Variants in WDR72 observed in about 807,000 individuals in gnomAD.
WDR72 encodes WD repeat domain 72.
Under a neutral mutation model 124.2 loss-of-function variants are expected in WDR72, and 120 were observed. The ratio of observed to expected loss-of-function variants is 0.97; its 90% CI spans 0.83 to 1.12. The LOEUF is 1.12. Among genes scored for constraint, WDR72 ranks in the 50% most tolerant of loss-of-function variants. The probability of loss-of-function intolerance (pLI) is 0.00; values close to 1 mark genes in which losing one functional copy is unlikely to be tolerated. For synonymous variants in WDR72, 452 were observed against 441.7 expected (o/e 1.02, Z -0.29); for missense variants, 1,387 against 1,278.8 (o/e 1.08, Z -1.29).
At chr15:53,689,053 C>T (rs2016746507) in intron 13 of WDR72, among the ~76,000 whole-genome samples, 1 of 152,166 alleles carries the variant, frequency 6.6e-6, no homozygotes, top group Non-Finnish European at 1.5e-5. Context: ...ACACCTTAAA[C>T]AGAAATCAAT....
intron 14 of WDR72, among the ~76,000 whole-genome samples, chr15:53,625,274 T>C (rs1039453866): frequency 6.6e-6 from 1 of 152,236 alleles, no homozygotes; most frequent in African/African-American, 2.4e-5. Context: ...TTGGTTTACA[T>C]GTTGTTTATA....
chr15:53,608,159 C>G (rs537561791), intron 17 of WDR72, among the ~76,000 whole-genome samples: 1 of 152,198 alleles, frequency 6.6e-6, no homozygotes, highest in African/African-American at 2.4e-5. Context: ...CAGTATAACC[C>G]CAAAGAAAGC....
At position 53,737,614 on chromosome 15, in the gene WDR72, A is replaced by C. The variant is rs149228137; in HGVS notation, c.-12-4453T>G. On this transcript the variant is annotated intron_variant, in intron 1 of 19. Coordinates refer to ENST00000360509, the MANE Select transcript of WDR72 (RefSeq NM_182758.4). ...AAGTCATTCACCAGAAAAGGATAAT[A>C]GTCTCTAGATACTCAACAGCAGAGT... 3.9e-3 allele frequency among the ~76,000 whole-genome samples: 590 copies of C among 152,294 alleles called. 6 individuals carry two copies. The highest frequency in any genetic ancestry group is 0.013 in the African/African-American group (552 of 41,556).
intron 3 of WDR72, 53 bp from the exon 4 acceptor site, chr15:53,716,738 G>T: frequency 7.1e-7 from 1 of 1,405,286 alleles, no homozygotes; most frequent in South Asian, 1.2e-5. Flanking sequence ...CAATTGGCTG[G>T]AATAATTTTT....
intron 17 of WDR72, among the ~76,000 whole-genome samples, chr15:53,604,134 C>T (rs1395025511): frequency 1.3e-5 from 2 of 152,032 alleles, no homozygotes; most frequent in South Asian, 2.1e-4. Flanking sequence ...AGAACAGACA[C>T]ATAGACCAAT....
At chr15:53,551,858 A>G (rs1893742196) in intron 18 of WDR72, among the ~76,000 whole-genome samples, 1 of 150,254 alleles carries the variant, frequency 6.7e-6, no homozygotes, top group South Asian at 2.1e-4. Flanking sequence ...ATACACAGAC[A>G]CACACACACA....
chr15:53,584,748 C>T (rs1193098432), intron 18 of WDR72, among the ~76,000 whole-genome samples: 5 of 151,872 alleles, frequency 3.3e-5, no homozygotes, highest in African/African-American at 4.8e-5. Flanking sequence ...TTGGAGTATC[C>T]CCATTCCCAT....
chr15:53,630,686 A>T (rs2014391491), intron 14 of WDR72, among the ~76,000 whole-genome samples: 1 of 152,194 alleles, frequency 6.6e-6, no homozygotes, highest in Non-Finnish European at 1.5e-5. Flanking sequence ...CACCCAAGAA[A>T]CTAGGAATAG....
chr15:53,727,362 ACT>A (rs1329214395), intron 2 of WDR72, among the ~76,000 whole-genome samples: 3 of 152,104 alleles, frequency 2.0e-5, no homozygotes, highest in African/African-American at 7.2e-5. Flanking sequence ...GTAGATGGTA[ACT>A]CAGCCATATT....
At chr15:53,704,128 G>C (rs2017266901) in intron 11 of WDR72, among the ~76,000 whole-genome samples, 1 of 152,148 alleles carries the variant, frequency 6.6e-6, no homozygotes, top group Non-Finnish European at 1.5e-5. Flanking sequence ...CATCTGTACA[G>C]ATATGCTCAC....
chr15:53,548,132 A>C (rs1893565975), intron 18 of WDR72, among the ~76,000 whole-genome samples: 1 of 152,040 alleles, frequency 6.6e-6, no homozygotes, highest in Non-Finnish European at 1.5e-5. Flanking sequence ...GTGGTCACCA[A>C]CTCTGCTTAC....
At chr15:53,757,154 G>T (rs1310920161) in intron 1 of WDR72, among the ~76,000 whole-genome samples, 1 of 152,066 alleles carries the variant, frequency 6.6e-6, no homozygotes, top group African/African-American at 2.4e-5. Context: ...AGCTGACCTG[G>T]GCCTAGACCT....
intron 13 of WDR72, among the ~76,000 whole-genome samples, chr15:53,681,291 C>A (rs1227255188): frequency 6.6e-6 from 1 of 152,142 alleles, no homozygotes; most frequent in Non-Finnish European, 1.5e-5. Flanking sequence ...GTGGGGAGGG[C>A]AGATGGCTCC....
In WDR72 at chr15:53,553,041, A is replaced by T. The variant is rs549529210; in HGVS notation, c.3149-29719T>A. ...TAAATCTCTAGAAATCTTATGAAAA[A>T]AAGATAAAAATTAAAAATAATGGCT... On this transcript the variant is annotated intron_variant, in intron 18 of 19. Transcript: ENST00000360509. 2.0e-5 allele frequency among the ~76,000 whole-genome samples: 3 copies of T among 152,296 alleles called. No individual in the cohort carries two copies. In the East Asian group the frequency reaches 5.8e-4, roughly 29 times the overall value.
intron 8 of WDR72, 39 bp downstream of exon 8, chr15:53,711,297 T>C (rs1304947889): frequency 9.9e-6 from 16 of 1,613,848 alleles, no homozygotes; most frequent in Non-Finnish European, 1.4e-5. Context: ...GTTCATTTTC[T>C]ACCTGAATGT....
At chr15:53,751,779 G>A (rs536232724) in intron 1 of WDR72, among the ~76,000 whole-genome samples, 1 of 152,084 alleles carries the variant, frequency 6.6e-6, no homozygotes, top group Admixed American at 6.6e-5. Context: ...TGTACCGGTG[G>A]GTCAGGCCCT....
chr15:53,725,940 G>A (rs1184316615), intron 2 of WDR72, among the ~76,000 whole-genome samples: 2 of 151,834 alleles, frequency 1.3e-5, no homozygotes, highest in African/African-American at 2.4e-5. Context: ...AGGAGTGGTA[G>A]TATGTGCCTT....
At chr15:53,687,887 G>T (rs1464179410) in intron 13 of WDR72, among the ~76,000 whole-genome samples, 1 of 149,360 alleles carries the variant, frequency 6.7e-6, no homozygotes, top group East Asian at 2.0e-4. Flanking sequence ...CTTCATCCCT[G>T]GGATGCAAGG....
At chr15:53,597,329 T>A in intron 17 of WDR72, 55 bp from the exon 18 acceptor site, 10 of 1,566,590 alleles carry the variant, frequency 6.4e-6, no homozygotes, top group African/African-American at 1.4e-5. Flanking sequence ...AATGCTTGGG[T>A]ATGTTGCAAA....
Sources: allele counts gnomAD v4.1 joint callset (sites outside exome capture counted in the v4.1 genomes callset), GRCh38; gene constraint gnomAD v4.1.1; transcripts MANE v1.5; gene names NCBI Gene and HGNC (gene_info 2026-07-23, HGNC 2026-07-21).